Variants in BROX observed in about 807,000 individuals in gnomAD.
The protein encoded by BROX is BRO1 domain-containing protein BROX.
Under a neutral mutation model 61.0 loss-of-function variants are expected in BROX, and 53 were observed. That is an observed-to-expected ratio of 0.87 (90% CI 0.70 to 1.09). The LOEUF is 1.09. BROX is among the 50% of genes least tolerant of loss of function. The pLI is 0.00. For synonymous variants in BROX, 152 were observed against 160.2 expected, an observed-to-expected ratio of 0.95 and a Z score of 0.38; for missense variants, 489 against 472.0, an observed-to-expected ratio of 1.04 and a Z score of -0.33.
chr1:222,732,577 G>A, intron 12 of BROX, 51 bp from the exon 13 acceptor site: 2 of 1,315,104 alleles, frequency 1.5e-6, no homozygotes, highest in Non-Finnish European at 2.2e-6. Flanking sequence ...TTTAGTGTTT[G>A]TTTTCTCAAT....
chr1:222,718,210 C>T (rs1315595940), intron 2 of BROX: 1 of 152,030 alleles, frequency 6.6e-6, no homozygotes, highest in African/African-American at 2.4e-5. Context: ...ACAAGGGGAG[C>T]ACCTGGAAAA....
At chr1:222,731,261 C>A in intron 11 of BROX, 96 bp from the exon 12 acceptor site, 1 of 1,069,790 alleles carries the variant, frequency 9.3e-7, no homozygotes, top group Non-Finnish European at 1.3e-6. Context: ...TCTTATCCAT[C>A]ATTAAATTGT....
chr1:222,725,297 G>A (rs138658700), intron 6 of BROX, among the ~76,000 whole-genome samples, 153 bp from the exon 7 acceptor site: 76 of 152,274 alleles, frequency 5.0e-4, no homozygotes, highest in Non-Finnish European at 7.9e-4. Flanking sequence ...TAAGCTTACT[G>A]TTGTTAGTTT....
In BROX at chr1:222,725,456, C is replaced by A; in HGVS notation, c.481C>A (p.His161Asn). The A allele has an allele frequency of 8.8e-6, 14 of 1,594,284 alleles. No individual in the cohort carries two copies. Among genetic ancestry groups the A allele is most frequent in the South Asian group, 1.1e-5 (1 of 87,200 alleles). Residue 161 changes from histidine to asparagine, a missense_variant, in exon 7 of 13, where the codon CAT becomes AAT. By Grantham distance (68) the His-to-Asn change is moderately conservative. Transcript: ENST00000340934. ...TTTTTGTTGTTGTTCTCAGGAAAGT[C>A]ATCTCCCAAAACTCATTACACCTGC... The part of the protein sequence containing the change: ...AGIFKHLKES[H>N]LPKLITPAEK...
chr1:222,727,458 A>C (rs990565526), intron 8 of BROX, among the ~76,000 whole-genome samples: 2 of 152,188 alleles, frequency 1.3e-5, no homozygotes. Context: ...AAAACCAGTG[A>C]TGTCTCATAA....
At chr1:222,723,158 G>A (rs1657224934) in intron 5 of BROX, among the ~76,000 whole-genome samples, 1 of 152,166 alleles carries the variant, frequency 6.6e-6, no homozygotes, top group Admixed American at 6.5e-5. Context: ...AGTAAATTAG[G>A]TGATTAAAAT....
In BROX at chr1:222,727,379, T is replaced by C; in HGVS notation, c.670+122T>C. The C allele has an allele frequency of 5.7e-6, 4 of 700,250 alleles. No individual in the cohort carries two copies. The Admixed American group carries it at 1.1e-4, about 19-fold the overall frequency. The allele number at this position is 700,250 out of a possible 1,614,324, so 43.4% of individuals were successfully genotyped here. A position where few individuals can be genotyped will look rare whatever the true frequency, so the allele number is the denominator to read the frequency against. On this transcript the variant is annotated intron_variant, in intron 8 of 12. Coordinates refer to ENST00000340934, the MANE Select transcript of BROX (RefSeq NM_144695.4). ...GTCATTATTTGCAAAACTGGAGTAA[T>C]ATTTTATTTATTGCATTTAAAATAG...
chr1:222,732,583 T>C, intron 12 of BROX, 45 bp from the exon 13 acceptor site: 1 of 1,376,144 alleles, frequency 7.3e-7, no homozygotes, highest in Non-Finnish European at 1.0e-6. Context: ...GTTTGTTTTC[T>C]CAATCTTAGT....
chr1:222,713,473 G>A (rs1467550751), intron 1 of BROX: 24 of 976,124 alleles, frequency 2.5e-5, no homozygotes, highest in Non-Finnish European at 2.8e-5. Context: ...TTAGGAGCGG[G>A]AGTCCTCTTG....
rs2125007606 is a variant in BROX at position 222,719,263 on chromosome 1, G to A, written c.209G>A (p.Gly70Asp). The A allele has an allele frequency of 6.4e-7, 1 of 1,572,514 alleles. No homozygotes were observed. Among genetic ancestry groups the A allele is most frequent in the Non-Finnish European group, 8.7e-7 (1 of 1,143,008 alleles). ...AADSYFSLLQ[G>D]FINSLDESTQ... ...TAAAATGTCTTGTACTTTTCTATAGGTTTCATAAATTCTTTGGATGAATCT... is the reference window on the plus strand; with the variant it reads ...TAAAATGTCTTGTACTTTTCTATAGATTTCATAAATTCTTTGGATGAATCT... Residue 70 changes from glycine to aspartate, a missense_variant and splice_region_variant, in exon 4 of 13, where the codon GGT becomes GAT. Physicochemically the swap from Gly to Asp is moderately conservative, Grantham distance 94 (BLOSUM62 -1). Coordinates refer to ENST00000340934, the MANE Select transcript of BROX (RefSeq NM_144695.4).
At position 222,712,680 on chromosome 1, in the gene BROX, G is replaced by A; in HGVS notation, c.-279G>A. ...ATAGCTCAAAAGGAAGGCCGAGGGA[G>A]AAGTTAGAAAGGGATGATGAACGAA... On this transcript the variant is annotated 5_prime_UTR_variant, in exon 1 of 13. Coordinates refer to ENST00000340934, the MANE Select transcript of BROX (RefSeq NM_144695.4). The A allele has an allele frequency of 1.5e-6, 2 of 1,296,218 alleles. No homozygotes were observed. Among genetic ancestry groups the A allele is most frequent in the South Asian group, 1.2e-5 (1 of 80,732 alleles). 80.3% of individuals were successfully genotyped at this position (1,296,218 alleles called of 1,614,324 possible). A position where few individuals can be genotyped will look rare whatever the true frequency, so the allele number is the denominator to read the frequency against.
At chr1:222,731,099 C>T (rs1283954120) in intron 11 of BROX, among the ~76,000 whole-genome samples, 1 of 152,144 alleles carries the variant, frequency 6.6e-6, no homozygotes, top group African/African-American at 2.4e-5. Context: ...TAATCACTTC[C>T]TTCGGAAAGA....
At chr1:222,723,882 C>G (rs1657295047) in intron 5 of BROX, among the ~76,000 whole-genome samples, 1 of 152,210 alleles carries the variant, frequency 6.6e-6, no homozygotes, top group Admixed American at 6.5e-5. Flanking sequence ...TGGTCTCAAA[C>G]TTCTGGCCTC....
In BROX at chr1:222,727,825, A is replaced by G. The variant is rs527887822; in HGVS notation, c.670+568A>G. 2.0e-5 allele frequency among the ~76,000 whole-genome samples: 3 copies of G among 152,362 alleles called. No individual in the cohort carries two copies. In the South Asian group the frequency reaches 6.2e-4, roughly 32 times the overall value. Reference sequence around the variant, plus strand: ...AATTAGGAACCTTAACAAGCTGGGCATGCTAAAGAAGGACTCTAGAAGAAG... The same window carrying G: ...AATTAGGAACCTTAACAAGCTGGGCGTGCTAAAGAAGGACTCTAGAAGAAG... On this transcript the variant is annotated intron_variant, in intron 8 of 12. Coordinates refer to ENST00000340934, the MANE Select transcript of BROX (RefSeq NM_144695.4).
intron 8 of BROX, 132 bp from the exon 9 acceptor site, chr1:222,728,609 TAA>T (rs542171399): frequency 2.0e-6 from 1 of 498,978 alleles, no homozygotes; most frequent in Non-Finnish European, 3.5e-6. Flanking sequence ...AAGGTGTTTT[TAA>T]AAAAAAATTA....
Position 222,712,804 on chromosome 1 carries a change from G to C in BROX, c.-155G>C. ...CATGGCCGCCGGGTCACGTGACTCC[G>C]GCTTGGCGCCGTCCTGGTTTTCCGT... On this transcript the variant is annotated 5_prime_UTR_variant, in exon 1 of 13. Coordinates refer to ENST00000340934, the MANE Select transcript of BROX (RefSeq NM_144695.4). 7.8e-7 allele frequency: 1 copy of C among 1,288,932 alleles called. No individual in the cohort carries two copies. Among genetic ancestry groups the C allele is most frequent in the Non-Finnish European group, 1.0e-6 (1 of 988,638 alleles). 79.8% of individuals were successfully genotyped at this position (1,288,932 alleles called of 1,614,324 possible).
intron 5 of BROX, among the ~76,000 whole-genome samples, chr1:222,723,177 A>C (rs990910297): frequency 6.6e-6 from 1 of 152,238 alleles, no homozygotes; most frequent in Non-Finnish European, 1.5e-5. Flanking sequence ...ATAAGAGCAG[A>C]GTAATGATTA....
intron 6 of BROX, 103 bp from the exon 7 acceptor site, chr1:222,725,347 C>T: frequency 1.5e-6 from 1 of 673,396 alleles, no homozygotes; most frequent in South Asian, 2.2e-5. Context: ...TGCTAAGCCT[C>T]CCAGTTGAAT....
chr1:222,721,977 A>G (rs560603119), intron 4 of BROX, among the ~76,000 whole-genome samples: 1 of 152,228 alleles, frequency 6.6e-6, no homozygotes, highest in African/African-American at 2.4e-5. Flanking sequence ...TATACCATTA[A>G]ACCTTCTTAA....
Sources: gnomAD v4.1 joint callset for allele counts (sites outside exome capture counted in the v4.1 genomes callset) on GRCh38, gnomAD v4.1.1 for gene constraint, MANE v1.5 for transcripts, NCBI Gene and HGNC (gene_info 2026-07-23, HGNC 2026-07-21) for gene names.